Variants in ZBED5 observed in about 807,000 individuals in gnomAD.
The protein encoded by ZBED5 is zinc finger BED domain-containing protein 5.
A neutral mutation model predicts 49.2 loss-of-function variants in ZBED5; 29 were observed. The ratio of observed to expected loss-of-function variants is 0.59; its 90% CI spans 0.44 to 0.80. The LOEUF is 0.80. Among genes scored for constraint, ZBED5 ranks in the 30% least tolerant of loss-of-function variants. The pLI is 0.00. For missense variants in ZBED5, 775 were observed against 812.9 expected (o/e 0.95, Z 0.57); for synonymous variants, 281 against 292.5 (o/e 0.96, Z 0.40).
chr11:10,852,813 T>C lies in ZBED5; in HGVS notation c.*51A>G. 1 of 1,436,674 alleles carries C rather than the reference T, an allele frequency of 7.0e-7. No individual in the cohort carries two copies. 89.0% of individuals were successfully genotyped at this position (1,436,674 alleles called of 1,614,324 possible). A position where few individuals can be genotyped will look rare whatever the true frequency, so the allele number is the denominator to read the frequency against. ...TACCAGAGATGAAGTAAATCATCTT[T>C]TATTTTCATCTTACATTTGGTTATC... On this transcript the variant is annotated 3_prime_UTR_variant, in exon 3 of 3. Transcript: ENST00000413761.
At position 10,852,839 on chromosome 11, in the gene ZBED5, A is replaced by T; in HGVS notation, c.*25T>A. The T allele has an allele frequency of 2.0e-6, 3 of 1,490,500 alleles. No homozygotes were observed. The highest frequency in any genetic ancestry group is 2.7e-6 in the Non-Finnish European group (3 of 1,111,684). The allele number at this position is 1,490,500 out of a possible 1,614,324, so 92.3% of individuals were successfully genotyped here. A position where few individuals can be genotyped will look rare whatever the true frequency, so the allele number is the denominator to read the frequency against. On this transcript the variant is annotated 3_prime_UTR_variant, in exon 3 of 3. Transcript: ENST00000413761. ...TATTTTCATCTTACATTTGGTTATC[A>T]TGAGACATGCAAACTCCTCCAATTT...
chr11:10,856,986 G>C (rs1268208719), intron 1 of ZBED5, among the ~76,000 whole-genome samples: 3 of 152,200 alleles, frequency 2.0e-5, no homozygotes, highest in African/African-American at 4.8e-5. Context: ...CGAAACGGAT[G>C]AACAATGGAT....
At chr11:10,856,774 G>A (rs1037387117) in intron 1 of ZBED5, among the ~76,000 whole-genome samples, 19 of 152,104 alleles carry the variant, frequency 1.2e-4, no homozygotes, top group Admixed American at 5.2e-4. Flanking sequence ...AAGACACAAG[G>A]ATTATTAATA....
rs754708917 is a variant in ZBED5, at chr11:10,854,407, G to A, written c.539C>T (p.Pro180Leu). The A allele has an allele frequency of 2.0e-5, 31 of 1,550,938 alleles. No individual in the cohort carries two copies. The highest frequency in any genetic ancestry group is 1.8e-5 in the Non-Finnish European group (21 of 1,146,874). The change falls in exon 3 of 3, where the codon CCC becomes CTC. Residue 180 changes from proline (P) to leucine (L), a missense_variant. Coordinates refer to ENST00000413761, the MANE Select transcript of ZBED5 (RefSeq NM_001143667.2). The surrounding 1 kb of genome is among the most constrained non-coding windows in gnomAD (Gnocchi z 5.0). ...QHLDSPENNK[P>L]PTPKIVNTDN... ...TGTATTCACAATTTTAGGTGTTGGG[G>A]GTTTATTATTTTCAGGTGAATCGAG...
In ZBED5 at chr11:10,853,657, G is replaced by C. The variant is rs1366024993; in HGVS notation, c.1289C>G (p.Thr430Arg). Residue 430 changes from threonine to arginine, a missense_variant, in exon 3 of 3, where the codon ACA (threonine) becomes AGA (arginine). By Grantham distance (71) the Thr-to-Arg change is moderately conservative. Transcript: ENST00000413761. The surrounding 1 kb of genome is among the most constrained non-coding windows in gnomAD (Gnocchi z 5.4). Reference sequence around the variant, plus strand: ...ACCTCGAGAAAGCCACCTCACCTCTGTATTTAGAAGAAGTGCTGTGTGCTG... The same window carrying C: ...ACCTCGAGAAAGCCACCTCACCTCTCTATTTAGAAGAAGTGCTGTGTGCTG... ...GAQHTALLLN[T>R]EVRWLSRGKV... The C allele has an allele frequency of 2.6e-6, 4 of 1,551,500 alleles. No individual in the cohort carries two copies. Among genetic ancestry groups the C allele is most frequent in the African/African-American group, 2.7e-5 (2 of 73,038 alleles).
chr11:10,855,130 A>G lies in ZBED5; in HGVS notation c.-141-44T>C. On this transcript the variant is annotated intron_variant, in intron 2 of 2. Transcript: ENST00000413761. This position sits in a 1 kb window ranked among gnomAD's most constrained non-coding sequence, Gnocchi z 4.1. ...CATAAAAATAAAAGCTATAGAAATG[A>G]GTTTAGCAGTCTTAATCTCATATTT... The G allele has an allele frequency of 1.5e-6, 1 of 673,286 alleles. No homozygotes were observed. Among genetic ancestry groups the G allele is most frequent in the Non-Finnish European group, 2.4e-6 (1 of 425,046 alleles). 41.7% of individuals were successfully genotyped at this position (673,286 alleles called of 1,614,324 possible). A position where few individuals can be genotyped will look rare whatever the true frequency, so the allele number is the denominator to read the frequency against.
Position 10,853,552 on chromosome 11 carries a change from A to C in ZBED5, c.1394T>G (p.Leu465Ter), listed in dbSNP as rs1485932256. 1 of 1,549,430 alleles carries C rather than the reference A, an allele frequency of 6.5e-7. No individual in the cohort carries two copies. The highest frequency in any genetic ancestry group is 2.4e-5 in the East Asian group (1 of 40,908). The part of the protein sequence containing the change: ...MDSAFRLSDC[L>*]TNSSWLLRLA... Reference sequence around the variant, plus strand: ...TCTTAGCAGCCAAGATGAATTTGTTAAACAATCAGATAGTCGAAAAGCAGA... The same window carrying C: ...TCTTAGCAGCCAAGATGAATTTGTTCAACAATCAGATAGTCGAAAAGCAGA... Residue 465 changes from leucine to a stop codon, truncating the protein, a stop_gained, in exon 3 of 3, where the codon TTA (leucine) becomes TGA (stop). Coordinates refer to ENST00000413761, the MANE Select transcript of ZBED5 (RefSeq NM_001143667.2). LOFTEE classifies it high-confidence loss of function. This position sits in a 1 kb window ranked among gnomAD's most constrained non-coding sequence, Gnocchi z 5.4.
rs1848154150 is a variant in ZBED5, at chr11:10,854,520, G to A, written c.426C>T (p.Ser142=). 3.2e-6 allele frequency: 5 copies of A among 1,551,488 alleles called. No homozygotes were observed. The highest frequency in any genetic ancestry group is 2.4e-5 in the East Asian group (1 of 40,908). The change falls in exon 3 of 3, where the codon AGC becomes AGT. Residue 142 remains serine, a synonymous_variant. Coordinates refer to ENST00000413761, the MANE Select transcript of ZBED5 (RefSeq NM_001143667.2). The surrounding 1 kb of genome is among the most constrained non-coding windows in gnomAD (Gnocchi z 5.0). ...TTCGAAGCTTACTAGGGGCTAAAGA[G>A]CTATTTGATAAAATTTTCTTACATA... ...CVLCKKILSN[S]SLAPSKLRRH...
rs748702365 is a variant in ZBED5 at position 10,854,832 on chromosome 11, C to T, written c.114G>A (p.Leu38=). ...GTTTAAGACTTCCTTGTTTCAGCAA[C>T]AGATCCATGGGCAATGAGTTTGTGG... ...FCTTNSLPMD[L]LLKQGSLKQE... is the part of the protein sequence containing the mutation. The change falls in exon 3 of 3, where the codon CTG becomes CTA. Residue 38 remains leucine (L), a synonymous_variant. Coordinates refer to ENST00000413761, the MANE Select transcript of ZBED5 (RefSeq NM_001143667.2). The surrounding 1 kb of genome is among the most constrained non-coding windows in gnomAD (Gnocchi z 5.0). 1 of 1,552,078 alleles carries T rather than the reference C, an allele frequency of 6.4e-7. No individual in the cohort carries two copies. The highest frequency in any genetic ancestry group is 1.2e-5 in the South Asian group (1 of 84,062).
chr11:10,854,275 T>C lies in ZBED5; in HGVS notation c.671A>G (p.Asp224Gly). ...GELLIKPCAKDVVMRMFDEQY... is the reference protein window; with the variant it reads ...GELLIKPCAKGVVMRMFDEQY... ...TTCATCAAACATCCGCATCACTACA[T>C]CTTTTGCACAAGGTTTGATAAGCAA... Residue 224 changes from aspartate to glycine, a missense_variant, in exon 3 of 3, where the codon GAT becomes GGT. Asp to Gly is a moderately conservative substitution (Grantham distance 94). Transcript: ENST00000413761. This position sits in a 1 kb window ranked among gnomAD's most constrained non-coding sequence, Gnocchi z 5.0. 6.4e-7 allele frequency: 1 copy of C among 1,551,178 alleles called. No individual in the cohort carries two copies. The highest frequency in any genetic ancestry group is 1.4e-5 in the African/African-American group (1 of 73,160).
In ZBED5 at chr11:10,852,823, C is replaced by G. The variant is rs1428340311; in HGVS notation, c.*41G>C. The G allele has an allele frequency of 1.4e-6, 2 of 1,442,130 alleles. No homozygotes were observed. Among genetic ancestry groups the G allele is most frequent in the Admixed American group, 2.7e-5 (1 of 36,450 alleles). 89.3% of individuals were successfully genotyped at this position (1,442,130 alleles called of 1,614,324 possible). A position where few individuals can be genotyped will look rare whatever the true frequency, so the allele number is the denominator to read the frequency against. ...GAAGTAAATCATCTTTTATTTTCATCTTACATTTGGTTATCATGAGACATG... is the reference window on the plus strand; with the variant it reads ...GAAGTAAATCATCTTTTATTTTCATGTTACATTTGGTTATCATGAGACATG... On this transcript the variant is annotated 3_prime_UTR_variant, in exon 3 of 3. Transcript: ENST00000413761.
chr11:10,852,868 T>A lies in ZBED5; in HGVS notation c.2078A>T (p.His693Leu). The A allele has an allele frequency of 2.6e-6, 4 of 1,520,670 alleles. No homozygotes were observed. Among genetic ancestry groups the A allele is most frequent in the Non-Finnish European group, 3.6e-6 (4 of 1,125,098 alleles). 94.2% of individuals were successfully genotyped at this position (1,520,670 alleles called of 1,614,324 possible). A position where few individuals can be genotyped will look rare whatever the true frequency, so the allele number is the denominator to read the frequency against. ...CDKKTQKHCSH is the reference protein window; with the variant it reads ...CDKKTQKHCSL The stretch of plus-strand genomic sequence containing the variant: ...GACATGCAAACTCCTCCAATTTTAA[T>A]GAGAACAGTGTTTTTGTGTCTTTTT... The change falls in exon 3 of 3, where the codon CAT (histidine) becomes CTT (leucine). Residue 693 changes from histidine (H) to leucine (L), a missense_variant. Transcript: ENST00000413761.
chr11:10,853,531 A>T lies in ZBED5; in HGVS notation c.1415T>A (p.Leu472Gln). 1 of 1,550,418 alleles carries T rather than the reference A, an allele frequency of 6.4e-7. No individual in the cohort carries two copies. The highest frequency in any genetic ancestry group is 8.7e-7 in the Non-Finnish European group (1 of 1,146,354). ...SDCLTNSSWL[L>Q]RLAYLADIFT... ...AATATCTGCAAGATATGCAAGTCTT[A>T]GCAGCCAAGATGAATTTGTTAAACA... is the stretch of plus-strand genomic sequence containing the variant. The change falls in exon 3 of 3, where the codon CTA becomes CAA. Residue 472 changes from leucine (L) to glutamine (Q), a missense_variant. By Grantham distance (113) the Leu-to-Gln change is moderately radical. Transcript: ENST00000413761. The surrounding 1 kb of genome is among the most constrained non-coding windows in gnomAD (Gnocchi z 5.4).
Position 10,854,647 on chromosome 11 carries a change from G to C in ZBED5, c.299C>G (p.Thr100Arg). The C allele has an allele frequency of 6.4e-7, 1 of 1,551,112 alleles. No homozygotes were observed. The highest frequency in any genetic ancestry group is 8.7e-7 in the Non-Finnish European group (1 of 1,146,822). ...VKFISNSNKITFSKKPKRRKY... is the reference protein window; with the variant it reads ...VKFISNSNKIRFSKKPKRRKY... Reference sequence around the variant, plus strand: ...TCTTCTTTTTGGTTTTTTACTAAATGTTATTTTGTTGGAATTGGATATAAA... The same window carrying C: ...TCTTCTTTTTGGTTTTTTACTAAATCTTATTTTGTTGGAATTGGATATAAA... Residue 100 changes from threonine to arginine, a missense_variant, in exon 3 of 3, where the codon ACA becomes AGA. By Grantham distance (71) the Thr-to-Arg change is moderately conservative. Transcript: ENST00000413761. This position sits in a 1 kb window ranked among gnomAD's most constrained non-coding sequence, Gnocchi z 5.0.
rs1352447754 is a variant in ZBED5 at position 10,855,857 on chromosome 11, T to A, written c.-142+287A>T. The A allele has an allele frequency of 1.3e-5, 2 of 151,724 alleles. No homozygotes were observed. The highest frequency in any genetic ancestry group is 2.9e-5 in the Non-Finnish European group (2 of 67,962). 9.4% of individuals were successfully genotyped at this position (151,724 alleles called of 1,614,324 possible). On this transcript the variant is annotated intron_variant, in intron 2 of 2. Coordinates refer to ENST00000413761, the MANE Select transcript of ZBED5 (RefSeq NM_001143667.2). The surrounding 1 kb of genome is among the most constrained non-coding windows in gnomAD (Gnocchi z 4.1). Reference sequence around the variant, plus strand: ...TACAGATAACTCTGCATTCTATTTATACAACAGGTGACGACTTAACCAGGA... The same window carrying A: ...TACAGATAACTCTGCATTCTATTTAAACAACAGGTGACGACTTAACCAGGA...
rs551988437 is a variant in ZBED5, at chr11:10,857,452, AG to A, written c.-256+409del. On this transcript the variant is annotated intron_variant, in intron 1 of 2. Coordinates refer to ENST00000413761, the MANE Select transcript of ZBED5 (RefSeq NM_001143667.2). The surrounding 1 kb of genome is among the most constrained non-coding windows in gnomAD (Gnocchi z 6.3). Reference sequence around the variant, plus strand: ...GGATCTGAGTGCAGGCCAGCCAAAAAGGTGGGAACAGATGCTCCTTCCAACA... The same window carrying A: ...GGATCTGAGTGCAGGCCAGCCAAAAAGTGGGAACAGATGCTCCTTCCAACA... 195 of 152,434 alleles carry A rather than the reference AG, an allele frequency of 1.3e-3. No individual in the cohort carries two copies. Among genetic ancestry groups the A allele is most frequent in the African/African-American group, 4.2e-3 (176 of 41,578 alleles). 9.4% of individuals were successfully genotyped at this position (152,434 alleles called of 1,614,324 possible).
At position 10,854,989 on chromosome 11, in the gene ZBED5, C is replaced by T. The variant is rs763479628; in HGVS notation, c.-44G>A. On this transcript the variant is annotated 5_prime_UTR_variant, in exon 3 of 3. Coordinates refer to ENST00000413761, the MANE Select transcript of ZBED5 (RefSeq NM_001143667.2). This position sits in a 1 kb window ranked among gnomAD's most constrained non-coding sequence, Gnocchi z 5.0. The stretch of plus-strand genomic sequence containing the variant: ...CAACACATCAGTTAATTTGTAAATG[C>T]TGCCTATTCATCAATGCGCAGATGG... 33 of 1,523,796 alleles carry T rather than the reference C, an allele frequency of 2.2e-5. No homozygotes were observed. In the African/African-American group the frequency reaches 4.2e-4, roughly 19 times the overall value. The allele number at this position is 1,523,796 out of a possible 1,614,324, so 94.4% of individuals were successfully genotyped here. A position where few individuals can be genotyped will look rare whatever the true frequency, so the allele number is the denominator to read the frequency against.
chr11:10,854,148 T>C lies in ZBED5; in HGVS notation c.798A>G (p.Arg266=). ...AADIEEELVC[R]LKICDGFSLQ... ...GTGAAAACCCATCGCAAATTTTCAG[T>C]CTACAAACAAGCTCTTCTTCAATGT... Residue 266 remains arginine (R), a synonymous_variant, in exon 3 of 3, where the codon AGA becomes AGG. Coordinates refer to ENST00000413761, the MANE Select transcript of ZBED5 (RefSeq NM_001143667.2). The surrounding 1 kb of genome is among the most constrained non-coding windows in gnomAD (Gnocchi z 5.0). 1 of 1,550,990 alleles carries C rather than the reference T, an allele frequency of 6.4e-7. No individual in the cohort carries two copies. Among genetic ancestry groups the C allele is most frequent in the African/African-American group, 1.4e-5 (1 of 73,082 alleles).
rs117401821 is a variant in ZBED5, at chr11:10,855,333, T to C, written c.-141-247A>G. ...TTTTTAAGAAAGGGACCCTGAAGAA[T>C]ATGTCCCATGGCAGGGGTTGGCAGG... On this transcript the variant is annotated intron_variant, in intron 2 of 2. Transcript: ENST00000413761. This position sits in a 1 kb window ranked among gnomAD's most constrained non-coding sequence, Gnocchi z 4.1. 2.0e-5 allele frequency among the ~76,000 whole-genome samples: 3 copies of C among 152,318 alleles called. No individual in the cohort carries two copies. The highest frequency in any genetic ancestry group is 2.9e-5 in the Non-Finnish European group (2 of 68,014).
Sources: allele counts gnomAD v4.1 joint callset (sites outside exome capture counted in the v4.1 genomes callset), GRCh38; gene constraint gnomAD v4.1.1; non-coding constraint Gnocchi (gnomAD v3.1); transcripts MANE v1.5; gene names NCBI Gene and HGNC (gene_info 2026-07-23, HGNC 2026-07-21).